The following FILIP1L variants were observed in gnomAD, a reference collection of about 807,000 sequenced individuals.
FILIP1L encodes the protein filamin A interacting protein 1 like, also known as filamin A-interacting protein 1-like.
A neutral mutation model predicts 96.6 loss-of-function variants in FILIP1L; 55 were observed. The observed-to-expected ratio is 0.57, with a 90% CI of 0.46 to 0.71. The LOEUF is 0.71. Ranked by LOEUF, FILIP1L falls within the 30% of genes least tolerant of loss-of-function variation. The pLI is 0.00. For missense variants in FILIP1L, 1,304 were observed against 1,321.2 expected (o/e 0.99, Z 0.20); for synonymous variants, 467 against 473.9 (o/e 0.99, Z 0.19).
intron 1 of FILIP1L, among the ~76,000 whole-genome samples, chr3:99,967,772 T>C (rs1029090039): frequency 1.3e-5 from 2 of 152,208 alleles, no homozygotes; most frequent in Admixed American, 1.3e-4. Context: ...GTTTTATCTG[T>C]TTATTTCACC....
chr3:100,098,005 T>C (rs1324732989), intron 1 of FILIP1L, among the ~76,000 whole-genome samples: 4 of 152,232 alleles, frequency 2.6e-5, no homozygotes, highest in Non-Finnish European at 4.4e-5. Context: ...TAGCTAGGCA[T>C]AGTAATGGTA....
intron 1 of FILIP1L, chr3:100,051,177 ATTC>A (rs1364850778): frequency 2.0e-5 from 3 of 152,120 alleles, no homozygotes; most frequent in Middle Eastern, 3.2e-3. Flanking sequence ...ATGGATCACA[ATTC>A]TTCTCTGTGA....
At chr3:99,876,425 C>T (rs1308253802) in intron 4 of FILIP1L, among the ~76,000 whole-genome samples, 1 of 152,234 alleles carries the variant, frequency 6.6e-6, no homozygotes, top group Non-Finnish European at 1.5e-5. Context: ...TCCTGTCGGG[C>T]TAACAAAGTC....
chr3:100,051,037 A>G (rs1370660173), intron 1 of FILIP1L, among the ~76,000 whole-genome samples: 1 of 152,152 alleles, frequency 6.6e-6, no homozygotes, highest in Admixed American at 6.5e-5. Flanking sequence ...CACCTTCAAT[A>G]GAGAAATCAC....
intron 1 of FILIP1L, among the ~76,000 whole-genome samples, chr3:100,082,806 T>G (rs1576034927): frequency 6.6e-6 from 1 of 152,334 alleles, no homozygotes; most frequent in East Asian, 1.9e-4. Context: ...AGCATGGTAG[T>G]CATAGACTTA....
At chr3:100,079,533 TC>T (rs2065899924) in intron 1 of FILIP1L, among the ~76,000 whole-genome samples, 1 of 152,210 alleles carries the variant, frequency 6.6e-6, no homozygotes, top group East Asian at 1.9e-4. Context: ...TTTTATCATG[TC>T]AGCAAAAAAG....
chr3:99,844,258 C>T (rs1030387407), intron 5 of FILIP1L, among the ~76,000 whole-genome samples: 1 of 152,120 alleles, frequency 6.6e-6, no homozygotes, highest in Non-Finnish European at 1.5e-5. Context: ...GGCCCTACGC[C>T]CCCAGAGGTT....
intron 1 of FILIP1L, among the ~76,000 whole-genome samples, chr3:100,076,786 A>G (rs1428055148): frequency 2.0e-5 from 3 of 152,330 alleles, no homozygotes; most frequent in East Asian, 3.9e-4. Context: ...TTTCCAGGTC[A>G]TTAATAAAGT....
chr3:99,957,689 C>CTTTTTTTTTTTTTTTTTTTTTTT (rs1708363173), intron 1 of FILIP1L, among the ~76,000 whole-genome samples: 1 of 7,964 alleles, frequency 1.3e-4, no homozygotes, highest in Non-Finnish European at 3.0e-4. Flanking sequence ...TCTTTTCTTT[C>CTTTTTTTTTTTTTTTTTTTTTTT]TTTCTTTTTT....
At chr3:100,103,880 T>C (rs1006375195) in intron 1 of FILIP1L, among the ~76,000 whole-genome samples, 1 of 152,230 alleles carries the variant, frequency 6.6e-6, no homozygotes, top group African/African-American at 2.4e-5. Context: ...GAACAGCTGA[T>C]ATTTATGTAA....
chr3:99,979,750 C>T (rs1709066778), intron 1 of FILIP1L, among the ~76,000 whole-genome samples: 1 of 152,084 alleles, frequency 6.6e-6, no homozygotes, highest in African/African-American at 2.4e-5. Context: ...TGGCATTGCT[C>T]TAGTATTGTA....
intron 1 of FILIP1L, among the ~76,000 whole-genome samples, chr3:100,109,448 C>T (rs534539727): frequency 7.9e-5 from 12 of 152,268 alleles, no homozygotes; most frequent in African/African-American, 2.4e-4. Context: ...TTCCATCACC[C>T]GAGATGTTCC....
chr3:100,096,312 C>A (rs2066207387), intron 1 of FILIP1L, among the ~76,000 whole-genome samples: 1 of 152,152 alleles, frequency 6.6e-6, no homozygotes, highest in Non-Finnish European at 1.5e-5. Flanking sequence ...TCTACACTCC[C>A]ATGTTCATTG....
intron 1 of FILIP1L, among the ~76,000 whole-genome samples, chr3:99,939,698 T>G (rs1311900463): frequency 6.6e-6 from 1 of 152,206 alleles, no homozygotes; most frequent in Non-Finnish European, 1.5e-5. Context: ...AATGAAAACT[T>G]CTTCCAGTTT....
At position 100,072,987 on chromosome 3, in the gene FILIP1L, GT is replaced by G. The variant is rs565113768; in HGVS notation, c.-11+41065del. ...ATATGTTTGAAGAGCACTTTTTAAA[GT>G]TTTTTTTTACATCCACTTCCTTAAT... On this transcript the variant is annotated intron_variant, in intron 1 of 5. Transcript: ENST00000477258. Among the ~76,000 whole-genome samples, 3 of 151,506 alleles carry G rather than the reference GT, an allele frequency of 2.0e-5. No homozygotes were observed. The East Asian group carries it at 5.8e-4, about 29-fold the overall frequency.
intron 3 of FILIP1L, among the ~76,000 whole-genome samples, chr3:99,927,459 T>C (rs988364483): frequency 2.6e-5 from 4 of 151,616 alleles, no homozygotes; most frequent in African/African-American, 9.7e-5. Context: ...GATCTCCGCC[T>C]CCTGGGTTCA....
chr3:99,859,309 G>C (rs1298206031), intron 4 of FILIP1L, among the ~76,000 whole-genome samples: 1 of 152,226 alleles, frequency 6.6e-6, no homozygotes, highest in Non-Finnish European at 1.5e-5. Context: ...TTCTTGCACA[G>C]ATCAGTCTGA....
At chr3:99,861,712 T>C (rs1944265235) in intron 4 of FILIP1L, among the ~76,000 whole-genome samples, 1 of 152,148 alleles carries the variant, frequency 6.6e-6, no homozygotes, top group African/African-American at 2.4e-5. Flanking sequence ...GCAGGTGGAA[T>C]GACTGACAGC....
intron 1 of FILIP1L, among the ~76,000 whole-genome samples, chr3:99,996,098 T>C (rs770720584): frequency 1.4e-4 from 22 of 152,208 alleles, no homozygotes; most frequent in Non-Finnish European, 2.6e-4. Context: ...TTTTCCAAAA[T>C]TTTATGCTCT....
Sources: allele counts gnomAD v4.1 joint callset (sites outside exome capture counted in the v4.1 genomes callset), GRCh38; gene constraint gnomAD v4.1.1; transcripts MANE v1.5; gene names NCBI Gene and HGNC (gene_info 2026-07-23, HGNC 2026-07-21).